The following GRID2IP variants were observed in gnomAD, a reference collection of about 807,000 sequenced individuals.
The protein encoded by GRID2IP is delphilin.
GRID2IP carries 78 observed loss-of-function variants against 114.3 expected under a neutral mutation model. That is an observed-to-expected ratio of 0.68 (90% CI 0.57 to 0.82). The LOEUF is 0.82. GRID2IP is among the 40% of genes least tolerant of loss of function. The probability of loss-of-function intolerance (pLI) is 0.00; values close to 1 mark genes in which losing one functional copy is unlikely to be tolerated. For synonymous variants in GRID2IP, 809 were observed against 724.0 expected (o/e 1.12, Z -1.89); for missense variants, 1,727 against 1,678.5 (o/e 1.03, Z -0.51).
chr7:6,517,247 C>T (rs184976351), intron 7 of GRID2IP, among the ~76,000 whole-genome samples: 3,625 of 151,540 alleles, frequency 0.024, 81 homozygotes, highest in Middle Eastern at 0.041. Context: ...TTAGTAGAGA[C>T]GGGGTTTCAC....
chr7:6,511,870 TTCTC>T (rs1199565791), intron 8 of GRID2IP, among the ~76,000 whole-genome samples: 1 of 151,920 alleles, frequency 6.6e-6, no homozygotes, highest in Non-Finnish European at 1.5e-5. Flanking sequence ...TTCTCTCACT[TTCTC>T]TCTTTCTCTC....
chr7:6,550,302 G>A lies in GRID2IP; in HGVS notation c.429+706C>T, dbSNP rs1286871486. Among the ~76,000 whole-genome samples the A allele has an allele frequency of 2.0e-5, 3 of 152,008 alleles. No homozygotes were observed. The East Asian group carries it at 5.8e-4, about 29-fold the overall frequency. On this transcript the variant is annotated intron_variant, in intron 1 of 21. Transcript: ENST00000457091. ...CCTGGCCTGCAGTTAAGTTCTAATG[G>A]GGAGGATAGACAGAGAAAGGGGCAC...
In GRID2IP at chr7:6,551,454, C is replaced by T; in HGVS notation, c.-18G>A. On this transcript the variant is annotated 5_prime_UTR_variant, in exon 1 of 22. Transcript: ENST00000457091. ...GTGGCCATGCACCTAGAACTGGAGA[C>T]AGAACAGGGATTTCCTTGCTGCTCT... 1.3e-6 allele frequency: 2 copies of T among 1,535,424 alleles called. No homozygotes were observed. Among genetic ancestry groups the T allele is most frequent in the South Asian group, 1.2e-5 (1 of 82,340 alleles).
At chr7:6,503,726 A>AT (rs1786487649) in intron 15 of GRID2IP, 39 bp from the exon 16 acceptor site, 2 of 1,382,664 alleles carry the variant, frequency 1.4e-6, no homozygotes, top group Admixed American at 5.6e-5. Context: ...GCGGGGCCGG[A>AT]GCGGGGCCGG....
chr7:6,505,379 AGACG>A (rs1786547196), intron 14 of GRID2IP, among the ~76,000 whole-genome samples: 1 of 71,266 alleles, frequency 1.4e-5, no homozygotes, highest in East Asian at 3.6e-4. Flanking sequence ...TTTTTTTTTT[AGACG>A]GGGTCTCACT....
chr7:6,509,007 CG>C lies in GRID2IP; in HGVS notation c.2077del (p.Arg693GlyfsTer9). 2 of 1,476,498 alleles carry C rather than the reference CG, an allele frequency of 1.4e-6. No homozygotes were observed. The allele number at this position is 1,476,498 out of a possible 1,614,324, so 91.5% of individuals were successfully genotyped here. A position where few individuals can be genotyped will look rare whatever the true frequency, so the allele number is the denominator to read the frequency against. On this transcript the variant is annotated frameshift_variant, in exon 12 of 22. Coordinates refer to ENST00000457091, the MANE Select transcript of GRID2IP (RefSeq NM_001145118.2). LOFTEE classifies it high-confidence loss of function. The surrounding 1 kb of genome is among the most constrained non-coding windows in gnomAD (Gnocchi z 4.9). The part of the protein sequence containing the change: ...LDVLSEQLGP[R>X]VTIVDDFLTP... The stretch of plus-strand genomic sequence containing the variant: ...CAGGAAATCATCCACGATGGTGACC[CG>C]GGGGCCCAGCTGCTCGCTCAGCACG...
chr7:6,545,492 G>A (rs1014275889), intron 1 of GRID2IP, among the ~76,000 whole-genome samples: 13 of 152,140 alleles, frequency 8.5e-5, no homozygotes, highest in African/African-American at 2.4e-4. Context: ...CCGAGAGCTC[G>A]CTCTTGAACT....
rs2115062616 is a variant in GRID2IP at position 6,514,376 on chromosome 7, T to A, written c.1422A>T (p.Thr474=). The change falls in exon 8 of 22, where the codon ACA becomes ACT. Residue 474 remains threonine, a splice_region_variant and synonymous_variant. Transcript: ENST00000457091. Reference sequence around the variant, plus strand: ...AGTGGCAGGGGAGAGGACGCTTACCTGTCATGGCCGTGTAGCCCAGGAAGC... The same window carrying A: ...AGTGGCAGGGGAGAGGACGCTTACCAGTCATGGCCGTGTAGCCCAGGAAGC... The part of the protein sequence containing the change: ...IACFLGYTAM[T]AEPEPELDLE... 1 of 1,511,948 alleles carries A rather than the reference T, an allele frequency of 6.6e-7. No individual in the cohort carries two copies. Among genetic ancestry groups the A allele is most frequent in the South Asian group, 1.2e-5 (1 of 80,018 alleles). 93.7% of individuals were successfully genotyped at this position (1,511,948 alleles called of 1,614,324 possible). A position where few individuals can be genotyped will look rare whatever the true frequency, so the allele number is the denominator to read the frequency against.
intron 1 of GRID2IP, 43 bp downstream of exon 1, chr7:6,550,965 A>C: frequency 8.5e-7 from 1 of 1,172,038 alleles, no homozygotes; most frequent in Non-Finnish European, 1.1e-6. Context: ...CCACATTATG[A>C]GCCCCCTCCT....
At chr7:6,515,121 G>A (rs943075471) in intron 7 of GRID2IP, among the ~76,000 whole-genome samples, 1 of 152,096 alleles carries the variant, frequency 6.6e-6, no homozygotes, top group Non-Finnish European at 1.5e-5. Flanking sequence ...TTTGTAAAAT[G>A]GGGATAAAAA....
In GRID2IP at chr7:6,534,998, G is replaced by A. The variant is rs999835747; in HGVS notation, c.584+4720C>T. On this transcript the variant is annotated intron_variant, in intron 2 of 21. Coordinates refer to ENST00000457091, the MANE Select transcript of GRID2IP (RefSeq NM_001145118.2). The surrounding 1 kb of genome is among the most constrained non-coding windows in gnomAD (Gnocchi z 4.5). ...CCTCCCAGGTTCAAGCGATGCTCCTGCCTCAGCCTCCCGAGTAGCTGGGAT... is the reference window on the plus strand; with the variant it reads ...CCTCCCAGGTTCAAGCGATGCTCCTACCTCAGCCTCCCGAGTAGCTGGGAT... Among the ~76,000 whole-genome samples, 1 of 152,228 alleles carries A rather than the reference G, an allele frequency of 6.6e-6. No individual in the cohort carries two copies. The highest frequency in any genetic ancestry group is 2.1e-4 in the South Asian group (1 of 4,832).
Position 6,510,923 on chromosome 7 carries a change from C to T in GRID2IP, c.1540G>A (p.Ala514Thr), listed in dbSNP as rs756306500. The T allele has an allele frequency of 4.1e-5, 63 of 1,549,592 alleles. No homozygotes were observed. The highest frequency in any genetic ancestry group is 5.1e-5 in the Non-Finnish European group (58 of 1,146,000). The change falls in exon 9 of 22, where the codon GCC becomes ACC. Residue 514 changes from alanine (A) to threonine (T), a missense_variant. By Grantham distance (58) the Ala-to-Thr change is moderately conservative. Transcript: ENST00000457091. ...CCAGCCTTACCGCAGCTGAGGCCGGCCTCCAGGCCCTGGGACCGGAGGCTG... is the reference window on the plus strand; with the variant it reads ...CCAGCCTTACCGCAGCTGAGGCCGGTCTCCAGGCCCTGGGACCGGAGGCTG... ...RRSLRSQGLEAGLSCGPSECP... is the reference protein window; with the variant it reads ...RRSLRSQGLETGLSCGPSECP...
In GRID2IP at chr7:6,514,207, C is replaced by T. The variant is rs1244449985; in HGVS notation, c.1423+168G>A. On this transcript the variant is annotated intron_variant, in intron 8 of 21. Transcript: ENST00000457091. ...GGCGGAGGTTGCAGTGAGCCAAGAT[C>T]GTGCCATTGCACTCCAGCCTGGGGC... Among the ~76,000 whole-genome samples the T allele has an allele frequency of 2.0e-5, 3 of 151,454 alleles. No individual in the cohort carries two copies. The South Asian group carries it at 6.3e-4, about 32-fold the overall frequency.
Position 6,503,662 on chromosome 7 carries a change from C to T in GRID2IP, c.2736G>A (p.Leu912=). 1 of 1,510,562 alleles carries T rather than the reference C, an allele frequency of 6.6e-7. No homozygotes were observed. Among genetic ancestry groups the T allele is most frequent in the South Asian group, 1.2e-5 (1 of 81,628 alleles). The allele number at this position is 1,510,562 out of a possible 1,614,324, so 93.6% of individuals were successfully genotyped here. A position where few individuals can be genotyped will look rare whatever the true frequency, so the allele number is the denominator to read the frequency against. Reference sequence around the variant, plus strand: ...GCACCTGGCGCAGCTCCGCGGGGCTCAGCTTCAGGTGTGCCAAGAGGATGG... The same window carrying T: ...GCACCTGGCGCAGCTCCGCGGGGCTTAGCTTCAGGTGTGCCAAGAGGATGG... ...NTSILLAHLK[L]SPAELRQVLM... The change falls in exon 16 of 22, where the codon CTG becomes CTA. Residue 912 remains leucine (L), a synonymous_variant. Coordinates refer to ENST00000457091, the MANE Select transcript of GRID2IP (RefSeq NM_001145118.2).
At position 6,515,023 on chromosome 7, in the gene GRID2IP, G is replaced by A. The variant is rs913756023; in HGVS notation, c.1269-494C>T. 5.3e-5 allele frequency among the ~76,000 whole-genome samples: 8 copies of A among 151,988 alleles called. No homozygotes were observed. The South Asian group carries it at 1.2e-3, about 24-fold the overall frequency. ...CAGGAAGGCAGGCTCCAGGGATAGG[G>A]TAGCCAGACTCCAATCTCAGCTCTG... On this transcript the variant is annotated intron_variant, in intron 7 of 21. Transcript: ENST00000457091.
In GRID2IP at chr7:6,523,427, T is replaced by A. The variant is rs1305316168; in HGVS notation, c.920-1470A>T. Among the ~76,000 whole-genome samples, 1 of 152,086 alleles carries A rather than the reference T, an allele frequency of 6.6e-6. No homozygotes were observed. The highest frequency in any genetic ancestry group is 1.5e-5 in the Non-Finnish European group (1 of 68,018). ...GGAGTCAGGAGATCCCAGTTTCTGGTCCTTAATTTACCAGAGCCTCTCCAG... is the reference window on the plus strand; with the variant it reads ...GGAGTCAGGAGATCCCAGTTTCTGGACCTTAATTTACCAGAGCCTCTCCAG... On this transcript the variant is annotated intron_variant, in intron 4 of 21. Transcript: ENST00000457091. The surrounding 1 kb of genome is among the most constrained non-coding windows in gnomAD (Gnocchi z 4.5).
At chr7:6,497,930 C>T (rs1786302638) in intron 21 of GRID2IP, 85 bp from the exon 22 acceptor site, 15 of 1,400,052 alleles carry the variant, frequency 1.1e-5, no homozygotes, top group Non-Finnish European at 1.5e-5. Context: ...CACTAGACAG[C>T]CCATCAGGGG....
chr7:6,520,480 G>A lies in GRID2IP; in HGVS notation c.1268+98C>T, dbSNP rs922564853. 7.6e-7 allele frequency: 1 copy of A among 1,322,566 alleles called. No individual in the cohort carries two copies. The allele number at this position is 1,322,566 out of a possible 1,614,324, so 81.9% of individuals were successfully genotyped here. Reference sequence around the variant, plus strand: ...TTCCTGAGCATCCCCCAGGAGAACGGGACTGAGGAGGTTCAGGCAGGGAGA... The same window carrying A: ...TTCCTGAGCATCCCCCAGGAGAACGAGACTGAGGAGGTTCAGGCAGGGAGA... On this transcript the variant is annotated intron_variant, in intron 7 of 21. Transcript: ENST00000457091. The surrounding 1 kb of genome is among the most constrained non-coding windows in gnomAD (Gnocchi z 4.6).
Position 6,551,140 on chromosome 7 carries a change from G to A in GRID2IP, c.297C>T (p.Thr99=). 1 of 1,327,084 alleles carries A rather than the reference G, an allele frequency of 7.5e-7. No individual in the cohort carries two copies. Among genetic ancestry groups the A allele is most frequent in the Non-Finnish European group, 9.6e-7 (1 of 1,044,464 alleles). 82.2% of individuals were successfully genotyped at this position (1,327,084 alleles called of 1,614,324 possible). Residue 99 remains threonine, a synonymous_variant, in exon 1 of 22, where the codon ACC becomes ACT. Transcript: ENST00000457091. ...CGCACCGCGGGGCCCGCAAGACTGT[G>A]GTCGGGGCCGCGGGGCCGGATCCTG... ...PGPGSGPAAP[T]TVLRAPRCGR... is the part of the protein sequence containing the mutation.
Sources: allele counts gnomAD v4.1 joint callset (sites outside exome capture counted in the v4.1 genomes callset), GRCh38; gene constraint gnomAD v4.1.1; non-coding constraint Gnocchi (gnomAD v3.1); transcripts MANE v1.5; gene names NCBI Gene and HGNC (gene_info 2026-07-23, HGNC 2026-07-21).